Variants in ROBO1 observed in about 807,000 individuals in gnomAD.
ROBO1 encodes roundabout guidance receptor 1.
ROBO1 carries 149 observed loss-of-function variants against 195.9 expected under a neutral mutation model. That is an observed-to-expected ratio of 0.76 (90% CI 0.67 to 0.87). The LOEUF (loss-of-function observed/expected upper bound fraction) is 0.87, where lower values mean the gene tolerates loss of function less well. Ranked by LOEUF, ROBO1 falls within the 40% of genes least tolerant of loss-of-function variation. ROBO1 has a pLI of 0.00. For synonymous variants in ROBO1, 816 were observed against 733.2 expected, an observed-to-expected ratio of 1.11 and a Z score of -1.82; for missense variants, 1,933 against 2,068.3, an observed-to-expected ratio of 0.93 and a Z score of 1.27.
At chr3:79,231,531 G>C (rs2082321602) in intron 2 of ROBO1, among the ~76,000 whole-genome samples, 1 of 151,952 alleles carries the variant, frequency 6.6e-6, no homozygotes. Flanking sequence ...ACACCCGTCA[G>C]AATGGCTATT....
chr3:79,742,391 A>C (rs970764155), intron 1 of ROBO1, among the ~76,000 whole-genome samples: 1 of 152,182 alleles, frequency 6.6e-6, no homozygotes, highest in African/African-American at 2.4e-5. Context: ...CTGTGGCTAA[A>C]AGGGCCAGAT....
intron 1 of ROBO1, among the ~76,000 whole-genome samples, chr3:79,757,011 GA>G (rs1232716895): frequency 1.1e-4 from 16 of 151,976 alleles, no homozygotes; most frequent in Admixed American, 1.0e-3. Context: ...TTTTATGGTT[GA>G]AAAAAATTTC....
rs559951850 is a variant in ROBO1 at position 78,608,901 on chromosome 3, T to C, written c.4436-1860A>G. Among the ~76,000 whole-genome samples, 77 of 152,106 alleles carry C rather than the reference T, an allele frequency of 5.1e-4. 1 individual carries two copies. Among genetic ancestry groups the C allele is most frequent in the Non-Finnish European group, 8.1e-4 (55 of 67,990 alleles). ...TACAGAATGCAACAAAAGGGAGAGT[T>C]TGTGAAGGAAGACTGTAAGTTCAGT... On this transcript the variant is annotated intron_variant, in intron 28 of 30. Transcript: ENST00000464233.
At chr3:78,884,648 A>AAAGGAAGGAAGGAAGGAAGGAAGG (rs780597106) in intron 4 of ROBO1, among the ~76,000 whole-genome samples, 6 of 107,528 alleles carry the variant, frequency 5.6e-5, no homozygotes, top group Admixed American at 2.1e-4. Flanking sequence ...AGAAAGAAAG[A>AAAGGAAGGAAGGAAGGAAGGAAGG]AAGGAAGGAA....
At chr3:79,071,488 C>T (rs1474565285) in intron 3 of ROBO1, among the ~76,000 whole-genome samples, 1 of 151,612 alleles carries the variant, frequency 6.6e-6, no homozygotes, top group Admixed American at 6.6e-5. Context: ...GGTGCTCTGG[C>T]TTTTTAAAAC....
intron 10 of ROBO1, among the ~76,000 whole-genome samples, chr3:78,674,886 T>G (rs1205615860): frequency 2.0e-5 from 3 of 152,156 alleles, no homozygotes; most frequent in Non-Finnish European, 4.4e-5. Flanking sequence ...AATGTGTGTA[T>G]CACTCTATGT....
chr3:79,293,481 T>C (rs1354849478), intron 2 of ROBO1, among the ~76,000 whole-genome samples: 1 of 152,172 alleles, frequency 6.6e-6, no homozygotes, highest in Non-Finnish European at 1.5e-5. Flanking sequence ...AGACTGTCGA[T>C]TTTAGATCTT....
At chr3:78,990,489 T>C (rs2108052894) in intron 3 of ROBO1, among the ~76,000 whole-genome samples, 1 of 152,310 alleles carries the variant, frequency 6.6e-6, no homozygotes, top group Non-Finnish European at 1.5e-5. Flanking sequence ...AATTTATAAC[T>C]AATAACAAAG....
At chr3:79,110,531 T>G (rs185018806) in intron 3 of ROBO1, among the ~76,000 whole-genome samples, 4 of 151,918 alleles carry the variant, frequency 2.6e-5, no homozygotes, top group African/African-American at 9.7e-5. Flanking sequence ...ATGCAGCAGA[T>G]GCTAGTTGTT....
intron 2 of ROBO1, among the ~76,000 whole-genome samples, chr3:79,529,943 A>G (rs757892186): frequency 6.6e-6 from 1 of 152,218 alleles, no homozygotes; most frequent in African/African-American, 2.4e-5. Context: ...CTTTGTATTC[A>G]TAGAACAAAT....
intron 2 of ROBO1, among the ~76,000 whole-genome samples, chr3:79,146,244 C>T (rs1033561722): frequency 2.0e-5 from 3 of 151,990 alleles, no homozygotes; most frequent in East Asian, 1.9e-4. Context: ...CATCACTCAC[C>T]GTGCAAAGGA....
chr3:78,929,555 C>T (rs193002659), intron 4 of ROBO1, among the ~76,000 whole-genome samples: 2,209 of 151,510 alleles, frequency 0.015, 66 homozygotes, highest in African/African-American at 0.048. Flanking sequence ...CAGGCTGGAG[C>T]ACAGTGATGC....
At chr3:79,289,413 G>A (rs2032097064) in intron 2 of ROBO1, among the ~76,000 whole-genome samples, 1 of 152,156 alleles carries the variant, frequency 6.6e-6, no homozygotes, top group Non-Finnish European at 1.5e-5. Context: ...AGAGAGGTTT[G>A]AAATTAGACT....
At chr3:78,948,474 C>A (rs1367667719) in intron 3 of ROBO1, among the ~76,000 whole-genome samples, 1 of 152,132 alleles carries the variant, frequency 6.6e-6, no homozygotes, top group Non-Finnish European at 1.5e-5. Flanking sequence ...ACTCTTCATG[C>A]TAAAAGCTCT....
intron 3 of ROBO1, among the ~76,000 whole-genome samples, chr3:78,987,544 A>G (rs1476670208): frequency 1.3e-5 from 2 of 152,256 alleles, no homozygotes; most frequent in African/African-American, 2.4e-5. Flanking sequence ...TACTGTTAAA[A>G]CATTTATAGT....
chr3:78,968,719 A>C (rs2076701411), intron 3 of ROBO1, among the ~76,000 whole-genome samples: 1 of 152,190 alleles, frequency 6.6e-6, no homozygotes, highest in South Asian at 2.1e-4. Flanking sequence ...TTCAATAACA[A>C]TACAAATAAG....
At chr3:78,714,574 G>T (rs758119543) in intron 7 of ROBO1, 50 bp from the exon 8 acceptor site, 4 of 1,552,880 alleles carry the variant, frequency 2.6e-6, no homozygotes, top group Non-Finnish European at 2.6e-6. Flanking sequence ...CTACTTGAAA[G>T]ATCTCATTAT....
intron 21 of ROBO1, among the ~76,000 whole-genome samples, chr3:78,645,802 T>G (rs994397599): frequency 7.2e-5 from 11 of 152,108 alleles, no homozygotes; most frequent in African/African-American, 2.7e-4. Flanking sequence ...AAATGAACTC[T>G]TTTTCTTGGA....
At chr3:79,427,330 C>T (rs2038487670) in intron 2 of ROBO1, among the ~76,000 whole-genome samples, 1 of 152,126 alleles carries the variant, frequency 6.6e-6, no homozygotes. Flanking sequence ...AACACCCTCG[C>T]TAAAAATGTA....
Sources: gnomAD v4.1 joint callset for allele counts (sites outside exome capture counted in the v4.1 genomes callset) on GRCh38, gnomAD v4.1.1 for gene constraint, MANE v1.5 for transcripts, NCBI Gene and HGNC (gene_info 2026-07-23, HGNC 2026-07-21) for gene names.